Variants in WWOX observed in about 807,000 individuals in gnomAD.
WWOX encodes the protein WW domain containing oxidoreductase.
A neutral mutation model predicts 46.2 loss-of-function variants in WWOX; 69 were observed. That is an observed-to-expected ratio of 1.49 (90% CI 1.23 to 1.82). WWOX has a LOEUF of 1.82. Ranked by LOEUF, WWOX falls within the 40% of genes most tolerant of loss-of-function variation. WWOX has a pLI of 0.00. For missense variants in WWOX, 919 were observed against 542.6 expected (o/e 1.69, Z -6.89); for synonymous variants, 359 against 202.6 (o/e 1.77, Z -6.56).
chr16:79,156,613 A>G (rs59557179), intron 8 of WWOX, among the ~76,000 whole-genome samples: 4,915 of 152,266 alleles, frequency 0.032, 187 homozygotes, highest in African/African-American at 0.089. Context: ...AGTTAAAAAA[A>G]AATTGTGAAG....
chr16:78,725,984 T>A (rs55638337), intron 8 of WWOX, among the ~76,000 whole-genome samples: 23,758 of 149,696 alleles, frequency 0.16, 2,343 homozygotes, highest in Non-Finnish European at 0.22. Flanking sequence ...CTCCTTCTCC[T>A]TCTCCTCCTT....
chr16:78,728,841 CT>C (rs1228953925), intron 8 of WWOX, among the ~76,000 whole-genome samples: 1 of 152,168 alleles, frequency 6.6e-6, no homozygotes, highest in Non-Finnish European at 1.5e-5. Context: ...TCACTTAAAC[CT>C]TGTGTTGGAG....
chr16:78,279,161 A>G (rs1016135467), intron 5 of WWOX, among the ~76,000 whole-genome samples: 1 of 152,204 alleles, frequency 6.6e-6, no homozygotes, highest in Non-Finnish European at 1.5e-5. Context: ...TGAAATAGCA[A>G]TAATATATTA....
intron 8 of WWOX, chr16:78,890,656 C>T (rs1366724448): frequency 2.0e-5 from 3 of 152,192 alleles, no homozygotes; most frequent in Non-Finnish European, 4.4e-5. Context: ...CAGTATTTTC[C>T]ACAGCCAGTC....
intron 8 of WWOX, among the ~76,000 whole-genome samples, chr16:78,553,548 A>C (rs1471694508): frequency 6.6e-6 from 1 of 152,140 alleles, no homozygotes; most frequent in African/African-American, 2.4e-5. Flanking sequence ...GCTGTCTACT[A>C]TCTCTAAGAA....
chr16:78,953,095 G>C (rs1044668112), intron 8 of WWOX, among the ~76,000 whole-genome samples: 1 of 151,424 alleles, frequency 6.6e-6, no homozygotes, highest in Non-Finnish European at 1.5e-5. Context: ...CAACCAAATT[G>C]ACTGTTAAAT....
intron 8 of WWOX, among the ~76,000 whole-genome samples, chr16:78,976,908 T>A (rs2046583817): frequency 6.6e-6 from 1 of 152,212 alleles, no homozygotes; most frequent in Non-Finnish European, 1.5e-5. Flanking sequence ...CATGCCCTTT[T>A]CTTTTTCTCA....
intron 5 of WWOX, among the ~76,000 whole-genome samples, chr16:78,331,771 G>C (rs746653259): frequency 6.6e-6 from 1 of 152,180 alleles, no homozygotes; most frequent in African/African-American, 2.4e-5. Context: ...AGTATTTTAC[G>C]AAGTGCCAGT....
intron 5 of WWOX, among the ~76,000 whole-genome samples, chr16:78,165,448 G>A (rs540836723): frequency 2.0e-5 from 3 of 152,254 alleles, no homozygotes; most frequent in African/African-American, 7.2e-5. Flanking sequence ...CAGTAATGAT[G>A]CCAGGGAGTT....
chr16:78,227,773 A>G (rs1437420588), intron 5 of WWOX, among the ~76,000 whole-genome samples: 1 of 152,132 alleles, frequency 6.6e-6, no homozygotes, highest in Admixed American at 6.6e-5. Context: ...GCTACTTGGG[A>G]GGCTGAGGCA....
chr16:78,881,811 C>A (rs1053702822), intron 8 of WWOX, among the ~76,000 whole-genome samples: 1 of 152,178 alleles, frequency 6.6e-6, no homozygotes, highest in African/African-American at 2.4e-5. Context: ...TGGATATAGG[C>A]ATTTTCTTCT....
intron 8 of WWOX, among the ~76,000 whole-genome samples, chr16:78,963,528 C>T (rs938193955): frequency 1.3e-5 from 2 of 152,172 alleles, no homozygotes; most frequent in South Asian, 4.1e-4. Flanking sequence ...AGTCGCTTCA[C>T]TCCTAAACAC....
intron 5 of WWOX, among the ~76,000 whole-genome samples, chr16:78,363,134 G>T (rs909454342): frequency 4.6e-5 from 7 of 152,014 alleles, no homozygotes; most frequent in African/African-American, 1.7e-4. Flanking sequence ...TGGTCACTGT[G>T]TGTGTATGTG....
intron 8 of WWOX, among the ~76,000 whole-genome samples, chr16:78,926,672 A>G (rs1277765587): frequency 6.6e-6 from 1 of 152,142 alleles, no homozygotes; most frequent in African/African-American, 2.4e-5. Context: ...GACCTTTATC[A>G]TTTGTTCAGG....
chr16:78,355,717 A>G (rs1391187654), intron 5 of WWOX: 3 of 746,594 alleles, frequency 4.0e-6, no homozygotes, highest in Non-Finnish European at 6.8e-6. Context: ...TGACTACTAT[A>G]GAAATTGATG....
chr16:79,126,602 A>C (rs1238776700), intron 8 of WWOX, among the ~76,000 whole-genome samples: 4 of 152,152 alleles, frequency 2.6e-5, no homozygotes, highest in Admixed American at 2.6e-4. Flanking sequence ...TGAAACGGTG[A>C]GTCAATTAAA....
At chr16:78,479,519 G>A (rs1203999304) in intron 8 of WWOX, among the ~76,000 whole-genome samples, 1 of 152,160 alleles carries the variant, frequency 6.6e-6, no homozygotes, top group African/African-American at 2.4e-5. Flanking sequence ...GTTTTTGAAT[G>A]AAGTCACTTT....
intron 8 of WWOX, among the ~76,000 whole-genome samples, chr16:78,462,901 G>A (rs1445103546): frequency 6.6e-6 from 1 of 152,126 alleles, no homozygotes; most frequent in East Asian, 1.9e-4. Flanking sequence ...TTTCCCTTGG[G>A]CACGCTGTTC....
chr16:78,753,381 A>T (rs907012005), intron 8 of WWOX, among the ~76,000 whole-genome samples: 1 of 152,188 alleles, frequency 6.6e-6, no homozygotes, highest in Admixed American at 6.5e-5. Flanking sequence ...ATCCAGGTAC[A>T]AAGACAATGA....
Sources: allele counts gnomAD v4.1 joint callset (sites outside exome capture counted in the v4.1 genomes callset), GRCh38; gene constraint gnomAD v4.1.1; transcripts MANE v1.5; gene names NCBI Gene and HGNC (gene_info 2026-07-23, HGNC 2026-07-21).